ASTN2: variants seen among roughly 807,000 people sequenced by gnomAD.
The protein encoded by ASTN2 is astrotactin-2.
Under a neutral mutation model 139.8 loss-of-function variants are expected in ASTN2, and 54 were observed. The observed-to-expected ratio is 0.39, with a 90% CI of 0.31 to 0.48. ASTN2 has a LOEUF of 0.48. Among genes scored for constraint, ASTN2 ranks in the 20% least tolerant of loss-of-function variants. ASTN2 has a pLI of 0.95. For missense variants in ASTN2, 1,565 were observed against 1,725.1 expected, an observed-to-expected ratio of 0.91 and a Z score of 1.64; for synonymous variants, 756 against 719.5, an observed-to-expected ratio of 1.05 and a Z score of -0.81.
At chr9:117,120,869 A>AAGG (rs1829540767) in intron 4 of ASTN2, among the ~76,000 whole-genome samples, 4 of 152,192 alleles carry the variant, frequency 2.6e-5, no homozygotes. Flanking sequence ...ATTCACATTT[A>AAGG]ATTCACCAGT....
chr9:116,993,041 T>A (rs1210707089), intron 7 of ASTN2, among the ~76,000 whole-genome samples: 1 of 152,178 alleles, frequency 6.6e-6, no homozygotes, highest in East Asian at 1.9e-4. Flanking sequence ...TCAATAGAGA[T>A]GCCAGAGTGA....
chr9:117,066,322 T>C (rs1320548922), intron 5 of ASTN2, among the ~76,000 whole-genome samples: 1 of 148,138 alleles, frequency 6.8e-6, no homozygotes, highest in Non-Finnish European at 1.5e-5. Flanking sequence ...TCCAATTTCA[T>C]ACATGTCCCT....
At chr9:116,658,094 G>A (rs1157782039) in intron 16 of ASTN2, among the ~76,000 whole-genome samples, 2 of 146,318 alleles carry the variant, frequency 1.4e-5, no homozygotes, top group African/African-American at 2.8e-5. Flanking sequence ...TTTGTTTTTT[G>A]TTTTGTTTTT....
intron 1 of ASTN2, among the ~76,000 whole-genome samples, chr9:117,339,515 C>G (rs539872380): frequency 6.6e-6 from 1 of 152,242 alleles, no homozygotes; most frequent in East Asian, 1.9e-4. Flanking sequence ...AAAAAAGGAA[C>G]TCCTTTGCCA....
intron 5 of ASTN2, among the ~76,000 whole-genome samples, chr9:117,087,937 A>G (rs1043890201): frequency 9.2e-5 from 14 of 152,214 alleles, no homozygotes; most frequent in African/African-American, 2.9e-4. Context: ...AGTTGCAAAG[A>G]TAAGAAGAGT....
intron 19 of ASTN2, among the ~76,000 whole-genome samples, chr9:116,491,021 G>A (rs1377415738): frequency 6.6e-6 from 1 of 152,212 alleles, no homozygotes; most frequent in East Asian, 1.9e-4. Flanking sequence ...CCATAAACAT[G>A]TCAGGTCAGT....
intron 10 of ASTN2, among the ~76,000 whole-genome samples, chr9:116,936,306 T>C (rs2132461742): frequency 7.1e-6 from 1 of 140,900 alleles, no homozygotes; most frequent in East Asian, 2.2e-4. Context: ...ACCACCAACA[T>C]TCCAACCATC....
intron 7 of ASTN2, among the ~76,000 whole-genome samples, chr9:117,004,281 G>T (rs1319855979): frequency 6.6e-6 from 1 of 151,978 alleles, no homozygotes; most frequent in South Asian, 2.1e-4. Context: ...CACCATGCCT[G>T]GCTAATTTTC....
chr9:116,812,557 G>A (rs1480230027), intron 12 of ASTN2, among the ~76,000 whole-genome samples: 2 of 152,126 alleles, frequency 1.3e-5, no homozygotes, highest in Non-Finnish European at 2.9e-5. Context: ...TAAGAATATT[G>A]ACCTTGAGAA....
chr9:117,076,143 G>C (rs1374067473), intron 5 of ASTN2, among the ~76,000 whole-genome samples: 1 of 152,180 alleles, frequency 6.6e-6, no homozygotes, highest in Non-Finnish European at 1.5e-5. Flanking sequence ...GCTGTGATTG[G>C]GGGTAGTAGT....
At chr9:117,002,703 C>T (rs985080245) in intron 7 of ASTN2, among the ~76,000 whole-genome samples, 1 of 152,186 alleles carries the variant, frequency 6.6e-6, no homozygotes. Flanking sequence ...TATTCTTTGT[C>T]TCTTAATTAC....
At chr9:117,265,490 A>G (rs1342250450) in intron 2 of ASTN2, among the ~76,000 whole-genome samples, 3 of 152,180 alleles carry the variant, frequency 2.0e-5, no homozygotes, top group Non-Finnish European at 4.4e-5. Context: ...AAAGAGTCAC[A>G]TGTGCTGGCA....
At chr9:116,774,767 C>A (rs2132191700) in intron 13 of ASTN2, among the ~76,000 whole-genome samples, 1 of 152,290 alleles carries the variant, frequency 6.6e-6, no homozygotes, top group East Asian at 1.9e-4. Context: ...CTGCTAATCT[C>A]CCAGCAAATG....
At chr9:117,112,092 C>T (rs10983528) in intron 4 of ASTN2, among the ~76,000 whole-genome samples, 10,107 of 151,768 alleles carry the variant, frequency 0.067, 503 homozygotes, top group East Asian at 0.22. Flanking sequence ...AAAAGGTATG[C>T]AATATATCTT....
At chr9:116,674,067 G>A (rs1859357616) in intron 16 of ASTN2, among the ~76,000 whole-genome samples, 1 of 152,182 alleles carries the variant, frequency 6.6e-6, no homozygotes, top group African/African-American at 2.4e-5. Context: ...CTTCTTGCCT[G>A]GGGACTAGAT....
chr9:117,336,933 C>G (rs192709605), intron 1 of ASTN2, among the ~76,000 whole-genome samples: 4 of 152,276 alleles, frequency 2.6e-5, no homozygotes, highest in African/African-American at 9.6e-5. Flanking sequence ...GATACATGCT[C>G]AAAGGTATGG....
chr9:117,374,266 G>C (rs552286044), intron 1 of ASTN2, among the ~76,000 whole-genome samples: 2 of 151,034 alleles, frequency 1.3e-5, no homozygotes, highest in African/African-American at 2.4e-5. Flanking sequence ...ATGCTGGCAG[G>C]ACCCATGTCT....
At chr9:117,236,442 T>C (rs945779391) in intron 2 of ASTN2, among the ~76,000 whole-genome samples, 2 of 152,076 alleles carry the variant, frequency 1.3e-5, no homozygotes, top group South Asian at 2.1e-4. Context: ...ACACTATAGA[T>C]TGGTTGGAAA....
intron 3 of ASTN2, among the ~76,000 whole-genome samples, chr9:117,150,244 T>C (rs1830296985): frequency 6.6e-6 from 1 of 152,192 alleles, no homozygotes. Flanking sequence ...TTCCTAAATG[T>C]AAATGAATGT....
Sources: allele counts gnomAD v4.1 joint callset (sites outside exome capture counted in the v4.1 genomes callset), GRCh38; gene constraint gnomAD v4.1.1; transcripts MANE v1.5; gene names NCBI Gene and HGNC (gene_info 2026-07-23, HGNC 2026-07-21).